The following OSTM1 variants were observed in gnomAD, a reference collection of about 807,000 sequenced individuals.
The protein encoded by OSTM1 is osteopetrosis-associated transmembrane protein 1.
Under a neutral mutation model 35.4 loss-of-function variants are expected in OSTM1, and 26 were observed. The observed-to-expected ratio is 0.73, with a 90% confidence interval of 0.54 to 1.02. The LOEUF (loss-of-function observed/expected upper bound fraction) is 1.02. Among genes scored for constraint, OSTM1 ranks in the 50% least tolerant of loss-of-function variants. The probability of loss-of-function intolerance (pLI) is 0.00; values close to 1 mark genes in which losing one functional copy is unlikely to be tolerated. For synonymous variants in OSTM1, 181 were observed against 165.0 expected (o/e 1.10, Z -0.75); for missense variants, 366 against 409.6 (o/e 0.89, Z 0.92).
chr6:108,068,927 AC>A (rs1772430384), intron 1 of OSTM1, among the ~76,000 whole-genome samples: 1 of 152,100 alleles, frequency 6.6e-6, no homozygotes, highest in African/African-American at 2.4e-5. Flanking sequence ...CTTCTTGCTC[AC>A]TGTGCTGTGT....
intron 4 of OSTM1, among the ~76,000 whole-genome samples, chr6:108,050,447 T>A (rs1019011253): frequency 7.5e-6 from 1 of 132,864 alleles, no homozygotes; most frequent in African/African-American, 2.9e-5. Context: ...CACTGCAACC[T>A]CTCCCTCCCG....
At chr6:108,060,164 A>C (rs113293035) in intron 2 of OSTM1, among the ~76,000 whole-genome samples, 3,888 of 152,234 alleles carry the variant, frequency 0.026, 137 homozygotes, top group African/African-American at 0.081. Context: ...CTGAGACCAT[A>C]TGTCTGGGCC....
At chr6:108,051,286 G>A (rs1161932727) in intron 3 of OSTM1, 88 bp from the exon 4 acceptor site, 3 of 985,370 alleles carry the variant, frequency 3.0e-6, no homozygotes, top group African/African-American at 3.2e-5. Context: ...TCTAGAAGAC[G>A]GGAAACAATA....
intron 1 of OSTM1, among the ~76,000 whole-genome samples, chr6:108,071,565 G>A (rs993078138): frequency 1.2e-4 from 18 of 147,418 alleles, no homozygotes; most frequent in African/African-American, 3.8e-4. Flanking sequence ...TGCCTGCCTT[G>A]GCCTCCCAAA....
chr6:108,063,188 A>T (rs951437897), intron 2 of OSTM1, among the ~76,000 whole-genome samples: 62 of 152,144 alleles, frequency 4.1e-4, no homozygotes, highest in Middle Eastern at 3.4e-3. Context: ...AATTTAAAAA[A>T]TATATATTTT....
chr6:108,054,314 G>C (rs1006928806), intron 3 of OSTM1, among the ~76,000 whole-genome samples, 176 bp downstream of exon 3: 21 of 152,158 alleles, frequency 1.4e-4, no homozygotes, highest in African/African-American at 5.1e-4. Context: ...GAGAACTGAG[G>C]TTTTCATGAT....
chr6:108,062,129 C>T (rs1772285237), intron 2 of OSTM1, among the ~76,000 whole-genome samples: 1 of 151,632 alleles, frequency 6.6e-6, no homozygotes, highest in African/African-American at 2.4e-5. Flanking sequence ...AAATTAGGCA[C>T]AGTAAGAGAT....
chr6:108,044,850 T>A lies in OSTM1; in HGVS notation c.950-10A>T, dbSNP rs1237810807. 6.9e-7 allele frequency: 1 copy of A among 1,451,860 alleles called. No individual in the cohort carries two copies. The highest frequency in any genetic ancestry group is 9.5e-7 in the Non-Finnish European group (1 of 1,051,040). 89.9% of individuals were successfully genotyped at this position (1,451,860 alleles called of 1,614,324 possible). On this transcript the variant is annotated splice_polypyrimidine_tract_variant and intron_variant, in intron 5 of 5. Coordinates refer to ENST00000193322, the MANE Select transcript of OSTM1 (RefSeq NM_014028.4). ...GACTTGAGACGTTTGGCTAGATAAA[T>A]CAAAAGAATTATATTTTAATTTAAA...
chr6:108,064,304 A>T lies in OSTM1; in HGVS notation c.403-5T>A. On this transcript the variant is annotated splice_polypyrimidine_tract_variant and splice_region_variant and intron_variant, in intron 1 of 5. Coordinates refer to ENST00000193322, the MANE Select transcript of OSTM1 (RefSeq NM_014028.4). ...ACTCTGACTCTCTGAAGTATTCTGT[A>T]ACAAAAAGAAGACAGAAAAATACAA... The T allele has an allele frequency of 6.9e-7, 1 of 1,441,262 alleles. No individual in the cohort carries two copies. The highest frequency in any genetic ancestry group is 9.7e-7 in the Non-Finnish European group (1 of 1,028,072). 89.3% of individuals were successfully genotyped at this position (1,441,262 alleles called of 1,614,324 possible).
chr6:108,050,356 G>GTT (rs1562370453), intron 4 of OSTM1, among the ~76,000 whole-genome samples: 11 of 122,406 alleles, frequency 9.0e-5, no homozygotes, highest in South Asian at 2.5e-4. Flanking sequence ...ATCCAGAAAC[G>GTT]TCTTTTTTTT....
At chr6:108,046,239 C>T (rs1771970411) in intron 5 of OSTM1, among the ~76,000 whole-genome samples, 2 of 141,778 alleles carry the variant, frequency 1.4e-5, no homozygotes, top group African/African-American at 5.3e-5. Flanking sequence ...CCAGGACGGT[C>T]TTGATCTCCT....
chr6:108,060,874 C>T (rs767496596), intron 2 of OSTM1: 1 of 152,116 alleles, frequency 6.6e-6, no homozygotes, highest in Non-Finnish European at 1.5e-5. Context: ...GGTTACAGAT[C>T]GAACTCCTTG....
chr6:108,072,664 A>C (rs901323537), intron 1 of OSTM1, among the ~76,000 whole-genome samples: 3 of 151,900 alleles, frequency 2.0e-5, no homozygotes, highest in African/African-American at 7.3e-5. Context: ...GAAAAAAAAA[A>C]AAACATGCTC....
At chr6:108,051,448 T>G (rs552473373) in intron 3 of OSTM1, among the ~76,000 whole-genome samples, 8 of 152,328 alleles carry the variant, frequency 5.3e-5, no homozygotes, top group African/African-American at 1.7e-4. Context: ...GCAAACTGTT[T>G]GGAACTTTCT....
chr6:108,062,557 T>C (rs1057417575), intron 2 of OSTM1, among the ~76,000 whole-genome samples: 9 of 150,074 alleles, frequency 6.0e-5, no homozygotes, highest in African/African-American at 1.7e-4. Context: ...TTTTTTGTTA[T>C]TGTTGTTGTA....
At chr6:108,046,156 C>A (rs1771967298) in intron 5 of OSTM1, among the ~76,000 whole-genome samples, 1 of 148,402 alleles carries the variant, frequency 6.7e-6, no homozygotes, top group Non-Finnish European at 1.5e-5. Context: ...TGCCCACCAC[C>A]ACGCCCAGCT....
chr6:108,071,460 A>ATTTTTTT (rs545759140), intron 1 of OSTM1, among the ~76,000 whole-genome samples: 49 of 103,404 alleles, frequency 4.7e-4, no homozygotes, highest in African/African-American at 7.4e-4. Flanking sequence ...CACCCGGCTA[A>ATTTTTTT]TTTTTTTTTT....
intron 2 of OSTM1, 28 bp downstream of exon 2, chr6:108,064,157 G>A (rs1322691872): frequency 1.8e-6 from 2 of 1,132,110 alleles, no homozygotes; most frequent in East Asian, 2.3e-5. Context: ...AACCATAACT[G>A]CAACATGAAA....
chr6:108,070,995 T>C (rs1164260215), intron 1 of OSTM1, among the ~76,000 whole-genome samples: 1 of 149,990 alleles, frequency 6.7e-6, no homozygotes, highest in Non-Finnish European at 1.5e-5. Context: ...GAGACCATCC[T>C]GGCTAACACG....
Sources: gnomAD v4.1 joint callset for allele counts (sites outside exome capture counted in the v4.1 genomes callset) on GRCh38, gnomAD v4.1.1 for gene constraint, MANE v1.5 for transcripts, NCBI Gene and HGNC (gene_info 2026-07-23, HGNC 2026-07-21) for gene names.